Variants in MYO9A observed in about 807,000 individuals in gnomAD.
MYO9A encodes myosin IXA, also known as unconventional myosin-IXa.
A neutral mutation model predicts 293.3 loss-of-function variants in MYO9A; 103 were observed. The ratio of observed to expected loss-of-function variants is 0.35; its 90% CI spans 0.30 to 0.41. MYO9A has a LOEUF of 0.41. MYO9A is among the 10% of genes least tolerant of loss of function. The pLI is 1.00. For missense variants in MYO9A, 2,685 were observed against 3,033.0 expected (o/e 0.89, Z 2.69); for synonymous variants, 1,001 against 1,035.7 (o/e 0.97, Z 0.64).
At chr15:71,971,116 G>A (rs1209315317) in intron 12 of MYO9A, among the ~76,000 whole-genome samples, 3 of 151,370 alleles carry the variant, frequency 2.0e-5, no homozygotes, top group South Asian at 2.1e-4. Context: ...AGCTGAGATC[G>A]TGCCGCTGCA....
chr15:72,114,104 A>G (rs78657715), intron 1 of MYO9A, among the ~76,000 whole-genome samples: 4,105 of 152,236 alleles, frequency 0.027, 159 homozygotes, highest in East Asian at 0.18. Context: ...TCTTGAGAGC[A>G]AGTTTTATTA....
Position 71,826,336 on chromosome 15 carries a change from G to C in MYO9A, c.*244C>G. ...GACCCAAATCCCCAGGCCCTAGGTG[G>C]CTTTGTATAGTAAAAATCTCAATTC... On this transcript the variant is annotated 3_prime_UTR_variant, in exon 42 of 42. Coordinates refer to ENST00000356056, the MANE Select transcript of MYO9A (RefSeq NM_006901.4). 4.3e-6 allele frequency: 2 copies of C among 466,774 alleles called. No homozygotes were observed. The highest frequency in any genetic ancestry group is 7.5e-6 in the Non-Finnish European group (2 of 267,866). The allele number at this position is 466,774 out of a possible 1,614,324, so 28.9% of individuals were successfully genotyped here.
At chr15:71,839,863 T>C (rs2055082198) in intron 39 of MYO9A, among the ~76,000 whole-genome samples, 1 of 152,256 alleles carries the variant, frequency 6.6e-6, no homozygotes, top group African/African-American at 2.4e-5. Flanking sequence ...TTTATTTTCT[T>C]ATGAATTTTA....
chr15:72,061,608 G>A (rs546192798), intron 1 of MYO9A, among the ~76,000 whole-genome samples: 8 of 151,936 alleles, frequency 5.3e-5, no homozygotes, highest in South Asian at 2.1e-4. Flanking sequence ...TTCTGCCTAC[G>A]GAAAGAAGAG....
chr15:72,030,557 T>C (rs1026916746), intron 3 of MYO9A, among the ~76,000 whole-genome samples: 5 of 152,098 alleles, frequency 3.3e-5, no homozygotes, highest in African/African-American at 1.2e-4. Context: ...ACTTTGTTTT[T>C]TTGGAGGAGT....
intron 1 of MYO9A, among the ~76,000 whole-genome samples, chr15:72,089,835 T>G (rs2079851341): frequency 6.6e-6 from 1 of 152,174 alleles, no homozygotes; most frequent in Admixed American, 6.5e-5. Context: ...TCATACCACT[T>G]ACTAAAAAGT....
chr15:72,082,166 T>A (rs2079566382), intron 1 of MYO9A, among the ~76,000 whole-genome samples: 1 of 152,182 alleles, frequency 6.6e-6, no homozygotes, highest in Non-Finnish European at 1.5e-5. Context: ...GAATGTGGAA[T>A]GTTTTTCTAT....
At chr15:72,058,342 T>C (rs1267231924) in intron 1 of MYO9A, among the ~76,000 whole-genome samples, 1 of 152,208 alleles carries the variant, frequency 6.6e-6, no homozygotes, top group Non-Finnish European at 1.5e-5. Context: ...TTTCCATCTA[T>C]AGTTATAATC....
intron 31 of MYO9A, among the ~76,000 whole-genome samples, chr15:71,876,058 TTTAGAGA>T (rs1167347858): frequency 5.9e-5 from 9 of 152,148 alleles, no homozygotes; most frequent in African/African-American, 2.2e-4. Flanking sequence ...GGAAGGATAC[TTTAGAGA>T]TTATTCTTTT....
intron 27 of MYO9A, among the ~76,000 whole-genome samples, chr15:71,886,220 A>T (rs1178038378): frequency 1.4e-5 from 2 of 145,608 alleles, no homozygotes; most frequent in South Asian, 2.2e-4. Context: ...AAAAAGAAAG[A>T]GGCTGCTTGG....
At chr15:72,089,195 C>T (rs544788458) in intron 1 of MYO9A, among the ~76,000 whole-genome samples, 3 of 152,126 alleles carry the variant, frequency 2.0e-5, no homozygotes, top group Non-Finnish European at 4.4e-5. Context: ...CAGGGTCTCA[C>T]TCTGTTACCC....
At chr15:72,076,472 T>C (rs1486189058) in intron 1 of MYO9A, among the ~76,000 whole-genome samples, 1 of 152,140 alleles carries the variant, frequency 6.6e-6, no homozygotes, top group Non-Finnish European at 1.5e-5. Context: ...CATGAAAGAA[T>C]GGAAAATGAC....
chr15:72,055,235 A>C (rs554207107), intron 1 of MYO9A, among the ~76,000 whole-genome samples: 27 of 152,360 alleles, frequency 1.8e-4, no homozygotes, highest in African/African-American at 6.3e-4. Context: ...AGCCCGGGCA[A>C]TATACCAAGA....
At chr15:71,857,224 T>G (rs928034557) in intron 34 of MYO9A, among the ~76,000 whole-genome samples, 2 of 152,210 alleles carry the variant, frequency 1.3e-5, no homozygotes, top group Non-Finnish European at 2.9e-5. Flanking sequence ...AACATTCTAT[T>G]TCTTGAAATG....
intron 15 of MYO9A, among the ~76,000 whole-genome samples, chr15:71,946,569 T>G (rs1433139739): frequency 6.6e-6 from 1 of 152,228 alleles, no homozygotes; most frequent in African/African-American, 2.4e-5. Context: ...TCTCTCACTT[T>G]TCTAGATCAG....
At chr15:71,838,727 C>T (rs1487846674) in intron 39 of MYO9A, among the ~76,000 whole-genome samples, 1 of 152,128 alleles carries the variant, frequency 6.6e-6, no homozygotes, top group East Asian at 1.9e-4. Context: ...GACTGGACTA[C>T]CACTACCAAA....
At chr15:71,913,141 A>C (rs1055484773) in intron 19 of MYO9A, among the ~76,000 whole-genome samples, 1 of 152,030 alleles carries the variant, frequency 6.6e-6, no homozygotes. Context: ...ATATTGCTCC[A>C]TAAGTTATTG....
chr15:71,941,617 T>C (rs1345401446), intron 15 of MYO9A, among the ~76,000 whole-genome samples: 2 of 152,166 alleles, frequency 1.3e-5, no homozygotes, highest in African/African-American at 2.4e-5. Flanking sequence ...TTGAAAAATA[T>C]TGGCCAAAAA....
At chr15:71,893,025 A>C in intron 26 of MYO9A, 1 of 1,289,842 alleles carries the variant, frequency 7.8e-7, no homozygotes, top group African/African-American at 1.5e-5. Context: ...GCTCACAGTG[A>C]GAAGCTTGGT....
Sources: gnomAD v4.1 joint callset for allele counts (sites outside exome capture counted in the v4.1 genomes callset) on GRCh38, gnomAD v4.1.1 for gene constraint, MANE v1.5 for transcripts, NCBI Gene and HGNC (gene_info 2026-07-23, HGNC 2026-07-21) for gene names.